RNF13: variants seen among roughly 807,000 people sequenced by gnomAD.
RNF13 encodes ring finger protein 13.
In RNF13, 19 loss-of-function variants were observed where a neutral mutation model predicts 37.7. That is an observed-to-expected ratio of 0.50 (90% confidence interval 0.35 to 0.74). The LOEUF (loss-of-function observed/expected upper bound fraction) is 0.74. Ranked by LOEUF, RNF13 falls within the 30% of genes least tolerant of loss-of-function variation. RNF13 has a pLI of 0.01. For synonymous variants in RNF13, 144 were observed against 157.8 expected, an observed-to-expected ratio of 0.91 and a Z score of 0.65; for missense variants, 375 against 453.0, an observed-to-expected ratio of 0.83 and a Z score of 1.56.
intron 7 of RNF13, 34 bp downstream of exon 7, chr3:149,912,117 AT>A: frequency 9.8e-7 from 1 of 1,015,874 alleles, no homozygotes. Flanking sequence ...TTTTTAAAAA[AT>A]AGTATGGATG....
intron 8 of RNF13, among the ~76,000 whole-genome samples, chr3:149,954,551 A>G (rs1277853530): frequency 1.3e-5 from 2 of 152,224 alleles, no homozygotes; most frequent in Non-Finnish European, 2.9e-5. Context: ...ATTTGGAAAT[A>G]TCTTCCATTG....
rs1467450547 is a variant in RNF13 at position 149,860,300 on chromosome 3, T to TATATATATATATATAA, written c.195+7705_195+7706insTATATATATATATAAA. Among the ~76,000 whole-genome samples, 140 of 128,580 alleles carry TATATATATATATATAA rather than the reference T, an allele frequency of 1.1e-3. 1 individual carries two copies. Among genetic ancestry groups the TATATATATATATATAA allele is most frequent in the Middle Eastern group, 4.3e-3 (1 of 234 alleles). The allele number at this position is 128,580 out of a possible 152,430, so 84.4% of individuals were successfully genotyped here. On this transcript the variant is annotated intron_variant, in intron 3 of 9. Transcript: ENST00000392894. ...ATATATATATATATATATATATATA[T>TATATATATATATATAA]AACGTGTATATATAATGTATTTATA...
At chr3:149,932,521 G>T (rs1329047423) in intron 8 of RNF13, among the ~76,000 whole-genome samples, 2 of 152,184 alleles carry the variant, frequency 1.3e-5, no homozygotes, top group Non-Finnish European at 1.5e-5. Context: ...AGATACAACA[G>T]TGGTGCAGGT....
At chr3:149,904,035 GTATC>G (rs1313136958) in intron 6 of RNF13, among the ~76,000 whole-genome samples, 1 of 151,742 alleles carries the variant, frequency 6.6e-6, no homozygotes. Flanking sequence ...TGTCTGTTTA[GTATC>G]TATCTACCAC....
intron 8 of RNF13, among the ~76,000 whole-genome samples, chr3:149,956,385 C>A (rs570630781): frequency 6.6e-6 from 1 of 152,288 alleles, no homozygotes; most frequent in Admixed American, 6.5e-5. Flanking sequence ...TATGAAGGCT[C>A]TAAGCAAAAG....
chr3:149,895,695 A>C (rs1458556762), intron 5 of RNF13, 135 bp downstream of exon 5: 4 of 515,136 alleles, frequency 7.8e-6, no homozygotes, highest in Non-Finnish European at 1.4e-5. Context: ...CTCATTCTTA[A>C]CTCTGGATGA....
intron 1 of RNF13, among the ~76,000 whole-genome samples, chr3:149,831,894 A>G (rs1485750483): frequency 6.6e-6 from 1 of 152,120 alleles, no homozygotes; most frequent in Admixed American, 6.5e-5. Flanking sequence ...AGCTGAGAAC[A>G]CTATTTTGGA....
chr3:149,853,834 C>CTT (rs1052140782), intron 3 of RNF13, among the ~76,000 whole-genome samples: 98 of 115,394 alleles, frequency 8.5e-4, no homozygotes, highest in Middle Eastern at 4.8e-3. Context: ...TAAAATTTCT[C>CTT]TTTTTTTTTT....
At chr3:149,861,129 T>A (rs1576780345) in intron 3 of RNF13, among the ~76,000 whole-genome samples, 1 of 151,710 alleles carries the variant, frequency 6.6e-6, no homozygotes, top group African/African-American at 2.4e-5. Context: ...TGGCAAGGAT[T>A]CAGAGAAGAG....
intron 7 of RNF13, chr3:149,917,425 G>A (rs547654522): frequency 1.3e-5 from 2 of 152,282 alleles, no homozygotes; most frequent in East Asian, 3.9e-4. Context: ...TCCAATTTTA[G>A]TATATGTGTT....
chr3:149,848,935 A>G (rs1401938610), intron 2 of RNF13, among the ~76,000 whole-genome samples: 3 of 152,094 alleles, frequency 2.0e-5, no homozygotes, highest in Non-Finnish European at 2.9e-5. Context: ...ACTAAACTTT[A>G]TTCCTGGTGC....
intron 4 of RNF13, among the ~76,000 whole-genome samples, chr3:149,889,298 T>TGTGTGTGC (rs1714414355): frequency 6.8e-6 from 1 of 147,572 alleles, no homozygotes; most frequent in Non-Finnish European, 1.5e-5. Flanking sequence ...TGTGCGTGTG[T>TGTGTGTGC]GTGTGTGTGT....
intron 5 of RNF13, among the ~76,000 whole-genome samples, chr3:149,899,537 G>A (rs187335987): frequency 5.0e-4 from 76 of 152,252 alleles, no homozygotes; most frequent in African/African-American, 1.7e-3. Flanking sequence ...TTTCATAAAC[G>A]GAGCACTTTG....
chr3:149,883,941 AAC>A (rs1713713968), intron 4 of RNF13, among the ~76,000 whole-genome samples: 1 of 152,162 alleles, frequency 6.6e-6, no homozygotes, highest in South Asian at 2.1e-4. Context: ...TATAAGTGAG[AAC>A]ACGTGGTGTT....
intron 8 of RNF13, among the ~76,000 whole-genome samples, chr3:149,936,641 C>T (rs1301465721): frequency 6.6e-6 from 1 of 151,598 alleles, no homozygotes; most frequent in African/African-American, 2.4e-5. Flanking sequence ...CTTGGAGTTC[C>T]CCAGGTTTCT....
At chr3:149,877,940 A>G (rs1250136230) in intron 4 of RNF13, among the ~76,000 whole-genome samples, 2 of 152,094 alleles carry the variant, frequency 1.3e-5, no homozygotes, top group African/African-American at 4.8e-5. Flanking sequence ...TTGCATTTTC[A>G]TGATTAGGTT....
intron 8 of RNF13, among the ~76,000 whole-genome samples, chr3:149,949,994 C>T (rs997202425): frequency 7.3e-5 from 11 of 151,716 alleles, no homozygotes; most frequent in Admixed American, 4.6e-4. Context: ...TCTTTTTTCT[C>T]TTTGCTTTTC....
At chr3:149,890,509 T>C (rs1481549419) in intron 4 of RNF13, among the ~76,000 whole-genome samples, 1 of 152,220 alleles carries the variant, frequency 6.6e-6, no homozygotes, top group East Asian at 1.9e-4. Context: ...GTGTTTTTCA[T>C]ATATTAAATT....
chr3:149,944,901 T>G (rs1720620196), intron 8 of RNF13, among the ~76,000 whole-genome samples: 1 of 152,204 alleles, frequency 6.6e-6, no homozygotes, highest in African/African-American at 2.4e-5. Flanking sequence ...ATGTCCTGAA[T>G]GGTATTGCCT....
Sources: allele counts gnomAD v4.1 joint callset (sites outside exome capture counted in the v4.1 genomes callset), GRCh38; gene constraint gnomAD v4.1.1; transcripts MANE v1.5; gene names NCBI Gene and HGNC (gene_info 2026-07-23, HGNC 2026-07-21).